The following PTPRZ1 variants were observed in gnomAD, a reference collection of about 807,000 sequenced individuals.
The protein encoded by PTPRZ1 is protein tyrosine phosphatase receptor type Z1.
PTPRZ1 carries 82 observed loss-of-function variants against 214.1 expected under a neutral mutation model. The ratio of observed to expected loss-of-function variants is 0.38; its 90% CI spans 0.32 to 0.46. PTPRZ1 has a LOEUF of 0.46. Among genes scored for constraint, PTPRZ1 ranks in the 20% least tolerant of loss-of-function variants. PTPRZ1 has a pLI of 1.00. For synonymous variants in PTPRZ1, 945 were observed against 987.9 expected, an observed-to-expected ratio of 0.96 and a Z score of 0.81; for missense variants, 2,603 against 2,748.7, an observed-to-expected ratio of 0.95 and a Z score of 1.19.
intron 2 of PTPRZ1, among the ~76,000 whole-genome samples, chr7:121,962,754 T>A (rs535128641): frequency 1.5e-4 from 22 of 151,662 alleles, no homozygotes; most frequent in Non-Finnish European, 2.8e-4. Flanking sequence ...TTAGTAGAGA[T>A]GGGGTTTCAC....
intron 1 of PTPRZ1, among the ~76,000 whole-genome samples, chr7:121,892,916 A>G (rs1794682923): frequency 6.6e-6 from 1 of 151,786 alleles, no homozygotes; most frequent in South Asian, 2.1e-4. Flanking sequence ...TTTTGTGATT[A>G]GAAAATTATA....
At chr7:122,026,292 C>T (rs1049548960) in intron 13 of PTPRZ1, among the ~76,000 whole-genome samples, 4 of 152,114 alleles carry the variant, frequency 2.6e-5, no homozygotes, top group Non-Finnish European at 5.9e-5. Context: ...ACTGCACTAG[C>T]TTTTTAAAGG....
intron 2 of PTPRZ1, among the ~76,000 whole-genome samples, chr7:121,943,205 TAGTG>T (rs573143933): frequency 6.6e-6 from 1 of 152,230 alleles, no homozygotes; most frequent in Non-Finnish European, 1.5e-5. Context: ...AATATTGTGT[TAGTG>T]AGGAACTTTA....
At chr7:122,015,532 A>G (rs1798817893) in intron 12 of PTPRZ1, among the ~76,000 whole-genome samples, 1 of 152,084 alleles carries the variant, frequency 6.6e-6, no homozygotes, top group South Asian at 2.1e-4. Flanking sequence ...TCCATAGGTC[A>G]CTATAGTCAT....
chr7:121,877,927 T>C (rs1490249440), intron 1 of PTPRZ1, among the ~76,000 whole-genome samples: 2 of 151,124 alleles, frequency 1.3e-5, no homozygotes, highest in Non-Finnish European at 2.9e-5. Context: ...TATAAATGTA[T>C]ATATATGCAT....
chr7:122,004,164 A>G (rs1798407890), intron 10 of PTPRZ1, among the ~76,000 whole-genome samples: 1 of 152,210 alleles, frequency 6.6e-6, no homozygotes, highest in Non-Finnish European at 1.5e-5. Flanking sequence ...AGGTTGCTAA[A>G]TAAGAAAATA....
chr7:122,003,624 T>C (rs1798390335), intron 10 of PTPRZ1, among the ~76,000 whole-genome samples: 1 of 152,164 alleles, frequency 6.6e-6, no homozygotes, highest in East Asian at 1.9e-4. Flanking sequence ...ATTAGGATAG[T>C]GCAGAGCATA....
In PTPRZ1 at chr7:122,044,507, A is replaced by G. The variant is rs1799823633; in HGVS notation, c.6023A>G (p.Tyr2008Cys). Residue 2008 changes from tyrosine to cysteine, a missense_variant, in exon 23 of 30, where the codon TAT becomes TGT. Transcript: ENST00000393386. ...GTGCTGGACAGTCATATTCATGCCT[A>G]TGTTAATGCACTCCTCATTCCTGGA... Reference protein sequence around the residue: ...TEVLDSHIHAYVNALLIPGPA... With the variant: ...TEVLDSHIHACVNALLIPGPA... 1.2e-6 allele frequency: 2 copies of G among 1,613,928 alleles called. No homozygotes were observed. The highest frequency in any genetic ancestry group is 8.5e-7 in the Non-Finnish European group (1 of 1,179,836).
At chr7:121,904,705 G>A (rs914320931) in intron 1 of PTPRZ1, among the ~76,000 whole-genome samples, 4 of 152,182 alleles carry the variant, frequency 2.6e-5, no homozygotes, top group African/African-American at 9.6e-5. Context: ...GATAGATTCC[G>A]GGGTTTCTAG....
intron 20 of PTPRZ1, 52 bp downstream of exon 20, chr7:122,039,640 T>A (rs761382808): frequency 2.5e-6 from 4 of 1,589,344 alleles, no homozygotes; most frequent in Non-Finnish European, 3.4e-6. Flanking sequence ...ATTTGGTCAT[T>A]TTTTAAGTGA....
chr7:121,961,538 C>A (rs1287624055), intron 2 of PTPRZ1, among the ~76,000 whole-genome samples: 2 of 152,178 alleles, frequency 1.3e-5, no homozygotes, highest in Non-Finnish European at 2.9e-5. Context: ...ATTTAACAGA[C>A]CCCCACCCTT....
intron 1 of PTPRZ1, among the ~76,000 whole-genome samples, chr7:121,900,810 A>G (rs1431729394): frequency 2.6e-5 from 4 of 152,200 alleles, no homozygotes; most frequent in African/African-American, 9.6e-5. Flanking sequence ...GGGATGCAAA[A>G]TAAAACAATG....
intron 8 of PTPRZ1, among the ~76,000 whole-genome samples, chr7:121,984,763 G>A (rs181641656): frequency 3.9e-5 from 6 of 151,956 alleles, no homozygotes; most frequent in African/African-American, 1.4e-4. Flanking sequence ...TGACACCAGA[G>A]GGGTGTCTCT....
chr7:122,010,870 A>G lies in PTPRZ1; in HGVS notation c.1824A>G (p.Ile608Met), dbSNP rs778605139. Residue 608 changes from isoleucine (I) to methionine (M), a missense_variant, in exon 12 of 30, where the codon ATA becomes ATG. By Grantham distance (10) the Ile-to-Met change is conservative. Around this residue, in one of 6 missense-constraint regions of PTPRZ1, gnomAD observed 1,913 missense variants for 1,914.3 expected, o/e 1.00. Coordinates refer to ENST00000393386, the MANE Select transcript of PTPRZ1 (RefSeq NM_002851.3). ...CTGAGAACATATCCCAAGGGTATAT[A>G]TTTTCCTCCGAAAACCCAGAGACAA... Reference protein sequence around the residue: ...FISENISQGYIFSSENPETIT... With the variant: ...FISENISQGYMFSSENPETIT... 66 of 1,613,942 alleles carry G rather than the reference A, an allele frequency of 4.1e-5. 1 individual carries two copies. In the South Asian group the frequency reaches 6.8e-4, roughly 17 times the overall value.
At chr7:121,972,456 A>G (rs1797282209) in intron 3 of PTPRZ1, 85 bp from the exon 4 acceptor site, 1 of 1,293,288 alleles carries the variant, frequency 7.7e-7, no homozygotes, top group African/African-American at 1.5e-5. Flanking sequence ...ATTTTTCTTA[A>G]TGTACCTTAA....
intron 18 of PTPRZ1, among the ~76,000 whole-genome samples, chr7:122,037,580 A>T (rs1008665779): frequency 6.6e-6 from 1 of 152,176 alleles, no homozygotes. Flanking sequence ...TGCACCTCTC[A>T]GTCTAGCTGG....
At chr7:122,053,711 GA>G (rs923104701) in intron 25 of PTPRZ1, among the ~76,000 whole-genome samples, 198 bp from the exon 26 acceptor site, 68 of 149,772 alleles carry the variant, frequency 4.5e-4, no homozygotes, top group Middle Eastern at 3.5e-3. Context: ...CGATTTAAGA[GA>G]AAAAAAAACA....
chr7:121,984,915 A>C (rs1797720533), intron 8 of PTPRZ1, among the ~76,000 whole-genome samples: 1 of 152,152 alleles, frequency 6.6e-6, no homozygotes, highest in African/African-American at 2.4e-5. Flanking sequence ...AAGTCGTTGA[A>C]GTGACCTTTG....
At chr7:121,995,601 T>A (rs936764748) in intron 8 of PTPRZ1, among the ~76,000 whole-genome samples, 5 of 152,210 alleles carry the variant, frequency 3.3e-5, no homozygotes, top group Non-Finnish European at 5.9e-5. Context: ...TGATTTTTCA[T>A]AATACTACTT....
Sources: allele counts gnomAD v4.1 joint callset (sites outside exome capture counted in the v4.1 genomes callset), GRCh38; gene constraint gnomAD v4.1.1; regional missense constraint gnomAD v4.1.1; transcripts MANE v1.5; gene names NCBI Gene and HGNC (gene_info 2026-07-23, HGNC 2026-07-21).